The following PCDHA11 variants were observed in gnomAD, a reference collection of about 807,000 sequenced individuals.
PCDHA11 encodes protocadherin alpha 11.
PCDHA11 carries 61 observed loss-of-function variants against 70.3 expected under a neutral mutation model. The ratio of observed to expected loss-of-function variants is 0.87; its 90% CI spans 0.71 to 1.07. The LOEUF is 1.07. Ranked by LOEUF, PCDHA11 falls within the 50% of genes least tolerant of loss-of-function variation. The pLI is 0.00. For synonymous variants in PCDHA11, 633 were observed against 555.1 expected (o/e 1.14, Z -1.97); for missense variants, 1,324 against 1,237.5 (o/e 1.07, Z -1.05).
intron 1 of PCDHA11, chr5:140,928,069 A>C (rs782427256): frequency 6.2e-7 from 1 of 1,614,180 alleles, no homozygotes; most frequent in Non-Finnish European, 8.5e-7. Context: ...TTCCTTTGAC[A>C]ACTACTACAG....
intron 1 of PCDHA11, among the ~76,000 whole-genome samples, chr5:140,908,042 C>T (rs2073761027): frequency 1.3e-5 from 2 of 152,196 alleles, no homozygotes; most frequent in African/African-American, 2.4e-5. Context: ...TATATAATTG[C>T]ACATCCGGCC....
At chr5:140,976,929 A>G (rs1289479026) in intron 1 of PCDHA11, among the ~76,000 whole-genome samples, 2 of 152,234 alleles carry the variant, frequency 1.3e-5, no homozygotes, top group South Asian at 2.1e-4. Flanking sequence ...AGTACTGTGT[A>G]GCTACTTAAA....
chr5:140,960,397 G>A (rs1322659184), intron 1 of PCDHA11, among the ~76,000 whole-genome samples: 1 of 152,102 alleles, frequency 6.6e-6, no homozygotes, highest in African/African-American at 2.4e-5. Flanking sequence ...AGGATGCAAG[G>A]GGGGGTGCCC....
At chr5:140,883,959 C>T (rs782366148) in intron 1 of PCDHA11, 4 of 1,613,092 alleles carry the variant, frequency 2.5e-6, no homozygotes, top group Admixed American at 3.3e-5. Context: ...AACGCTCCGG[C>T]GCTGCTGACG....
At position 140,869,817 on chromosome 5, in the gene PCDHA11, T is replaced by G; in HGVS notation, c.714T>G (p.Asn238Lys). 1 of 1,612,264 alleles carries G rather than the reference T, an allele frequency of 6.2e-7. No individual in the cohort carries two copies. The highest frequency in any genetic ancestry group is 8.5e-7 in the Non-Finnish European group (1 of 1,179,194). The change falls in exon 1 of 4, where the codon AAT (asparagine) becomes AAG (lysine). Residue 238 changes from asparagine to lysine, a missense_variant. Coordinates refer to ENST00000398640, the MANE Select transcript of PCDHA11 (RefSeq NM_018902.5). ...TCCAAGTCTTGGATGTCAACGACAA[T>G]GATCCAGAGTTTGATAAATCAGAAT... ...LLVQVLDVND[N>K]DPEFDKSEYK...
chr5:140,956,315 A>G (rs246013), intron 1 of PCDHA11, among the ~76,000 whole-genome samples: 85,586 of 151,908 alleles, frequency 0.56, 24,725 homozygotes, highest in African/African-American at 0.69. Flanking sequence ...TTATTTTGAG[A>G]TATGTTCCTT....
chr5:140,900,586 AC>A (rs1554189274), intron 1 of PCDHA11, among the ~76,000 whole-genome samples: 1 of 151,926 alleles, frequency 6.6e-6, no homozygotes, highest in African/African-American at 2.4e-5. Flanking sequence ...CATTTTCTTT[AC>A]CCGTTCATCT....
chr5:140,987,149 G>A (rs1380803903), intron 3 of PCDHA11, among the ~76,000 whole-genome samples: 1 of 151,884 alleles, frequency 6.6e-6, no homozygotes, highest in African/African-American at 2.4e-5. Context: ...GGGAGGTGGA[G>A]GTTGCAGTGA....
chr5:140,966,740 C>CGGCT (rs2096047340), intron 1 of PCDHA11: 1 of 1,422,580 alleles, frequency 7.0e-7, no homozygotes, highest in African/African-American at 1.5e-5. Flanking sequence ...CGGCCCTGCC[C>CGGCT]GGCTGCCTCC....
Position 141,009,639 on chromosome 5 carries a change from G to A in PCDHA11, c.2552G>A (p.Gly851Glu). The stretch of plus-strand genomic sequence containing the variant: ...TTTTGTCTTTCAGAACCAGAGGCAG[G>A]AGAAGTGTCCCCTCCAGTCGGTGCG... ...VSSATPEPEA[G>E]EVSPPVGAGV... The change falls in exon 4 of 4, where the codon GGA becomes GAA. Residue 851 changes from glycine to glutamate, a missense_variant. Transcript: ENST00000398640. The A allele has an allele frequency of 6.2e-7, 1 of 1,613,406 alleles. No individual in the cohort carries two copies. The highest frequency in any genetic ancestry group is 8.5e-7 in the Non-Finnish European group (1 of 1,179,594).
At position 140,870,714 on chromosome 5, in the gene PCDHA11, C is replaced by A. The variant is rs2052324296; in HGVS notation, c.1611C>A (p.Arg537=). The change falls in exon 1 of 4, where the codon CGC becomes CGA. Residue 537 remains arginine (R), a synonymous_variant. Transcript: ENST00000398640. ...LELLQFQVSA[R]DAGVPPLSSN... is the part of the protein sequence containing the mutation. ...TGCTACAGTTCCAGGTGAGCGCGCG[C>A]GATGCGGGCGTGCCGCCTCTGAGCA... 6 of 1,612,992 alleles carry A rather than the reference C, an allele frequency of 3.7e-6. No individual in the cohort carries two copies. The African/African-American group carries it at 4.0e-5, about 11-fold the overall frequency.
intron 1 of PCDHA11, among the ~76,000 whole-genome samples, chr5:140,922,237 G>A (rs2080732766): frequency 6.6e-6 from 1 of 152,156 alleles, no homozygotes; most frequent in Non-Finnish European, 1.5e-5. Flanking sequence ...ACCATGATGT[G>A]TATGAAGATA....
At chr5:140,982,658 C>G (rs530615346) in intron 3 of PCDHA11, 95 bp downstream of exon 3, 2 of 1,487,730 alleles carry the variant, frequency 1.3e-6, no homozygotes, top group East Asian at 4.9e-5. Context: ...GGCTCTTTTT[C>G]TTTTATATTT....
chr5:140,955,571 G>A (rs1371078633), intron 1 of PCDHA11, among the ~76,000 whole-genome samples: 2 of 152,158 alleles, frequency 1.3e-5, no homozygotes, highest in Non-Finnish European at 2.9e-5. Flanking sequence ...ACTGAACTGT[G>A]AGTCAATTAA....
intron 1 of PCDHA11, among the ~76,000 whole-genome samples, chr5:140,873,125 A>G (rs1252639627): frequency 6.6e-6 from 1 of 152,208 alleles, no homozygotes. Context: ...CAATATTCAA[A>G]GAGTCTATGC....
rs781807025 is a variant in PCDHA11, at chr5:140,872,165, CTT to C, written c.2391+682_2391+683del. Among the ~76,000 whole-genome samples the C allele has an allele frequency of 5.6e-3, 809 of 144,322 alleles. 4 individuals are homozygous for C. Among genetic ancestry groups the C allele is most frequent in the Middle Eastern group, 0.014 (4 of 276 alleles). 94.7% of individuals were successfully genotyped at this position (144,322 alleles called of 152,430 possible). On this transcript the variant is annotated intron_variant, in intron 1 of 3. Transcript: ENST00000398640. The stretch of plus-strand genomic sequence containing the variant: ...CATTAGTATGACATGATTTACTTTT[CTT>C]TTTTTTTTTTACAGTGTTAAACGTT...
At chr5:140,994,188 G>T (rs1156320589) in intron 3 of PCDHA11, among the ~76,000 whole-genome samples, 1 of 152,080 alleles carries the variant, frequency 6.6e-6, no homozygotes, top group Non-Finnish European at 1.5e-5. Flanking sequence ...AAACCACCAG[G>T]GCCTGTTGGT....
intron 1 of PCDHA11, chr5:140,884,471 G>T (rs2060197778): frequency 1.2e-6 from 2 of 1,613,684 alleles, no homozygotes; most frequent in Admixed American, 3.3e-5. Flanking sequence ...GTGCGCGCCG[G>T]GCAAGCCCAC....
chr5:140,928,790 G>GGGT, intron 1 of PCDHA11: 2 of 1,614,176 alleles, frequency 1.2e-6, no homozygotes, highest in Non-Finnish European at 1.7e-6. Context: ...GTTAAGCAGA[G>GGGT]GGTGGTGGTA....
Sources: allele counts gnomAD v4.1 joint callset (sites outside exome capture counted in the v4.1 genomes callset), GRCh38; gene constraint gnomAD v4.1.1; transcripts MANE v1.5; gene names NCBI Gene and HGNC (gene_info 2026-07-23, HGNC 2026-07-21).